NEGR1: variants seen among roughly 807,000 people sequenced by gnomAD.
NEGR1 encodes IgLON family member 4.
A neutral mutation model predicts 40.9 loss-of-function variants in NEGR1; 10 were observed. The observed-to-expected ratio is 0.24, with a 90% confidence interval of 0.15 to 0.42. The LOEUF is 0.42. Among genes scored for constraint, NEGR1 ranks in the 10% least tolerant of loss-of-function variants. The probability of loss-of-function intolerance (pLI) is 1.00; values close to 1 mark genes in which losing one functional copy is unlikely to be tolerated. For missense variants in NEGR1, 352 were observed against 438.9 expected, an observed-to-expected ratio of 0.80 and a Z score of 1.77; for synonymous variants, 185 against 166.8, an observed-to-expected ratio of 1.11 and a Z score of -0.84.
At chr1:71,917,949 G>T (rs1661637260) in intron 2 of NEGR1, among the ~76,000 whole-genome samples, 1 of 151,030 alleles carries the variant, frequency 6.6e-6, no homozygotes, top group South Asian at 2.1e-4. Flanking sequence ...CTGGCGTGGT[G>T]GCTCAGGCCT....
chr1:71,650,637 G>A (rs959542803), intron 4 of NEGR1, among the ~76,000 whole-genome samples: 3 of 151,728 alleles, frequency 2.0e-5, no homozygotes, highest in African/African-American at 7.3e-5. Flanking sequence ...TTCTTTTTTG[G>A]TCTTGACTAT....
intron 2 of NEGR1, among the ~76,000 whole-genome samples, chr1:71,933,583 T>C (rs1043478044): frequency 6.6e-6 from 1 of 151,966 alleles, no homozygotes; most frequent in Non-Finnish European, 1.5e-5. Context: ...TTGAATAACA[T>C]AAGAAATGTG....
At chr1:71,947,637 T>C (rs959494257) in intron 1 of NEGR1, among the ~76,000 whole-genome samples, 2 of 152,214 alleles carry the variant, frequency 1.3e-5, no homozygotes, top group Non-Finnish European at 2.9e-5. Context: ...GTTTACTTTC[T>C]GCAAGTTTTA....
intron 3 of NEGR1, among the ~76,000 whole-genome samples, chr1:71,739,208 A>AC (rs1655133080): frequency 6.6e-6 from 1 of 150,744 alleles, no homozygotes; most frequent in African/African-American, 2.5e-5. Context: ...AGAAAAAAAA[A>AC]AAAAAAAAAC....
At position 72,129,087 on chromosome 1, in the gene NEGR1, T is replaced by TC. The variant is rs1445193848; in HGVS notation, c.176+153231dup. Among the ~76,000 whole-genome samples, 4 of 152,190 alleles carry TC rather than the reference T, an allele frequency of 2.6e-5. No homozygotes were observed. In the East Asian group the frequency reaches 7.7e-4, roughly 29 times the overall value. On this transcript the variant is annotated intron_variant, in intron 1 of 6. Coordinates refer to ENST00000357731, the MANE Select transcript of NEGR1 (RefSeq NM_173808.3). ...ACTACACCACTGGCTTTCCTAGGTT[T>TC]CCGGCTCACAGATGTCAGATTGTGG... is the stretch of plus-strand genomic sequence containing the variant.
intron 1 of NEGR1, among the ~76,000 whole-genome samples, chr1:71,994,110 GATTACTTCCCAAATGTCA>G (rs1159251108): frequency 6.6e-6 from 1 of 152,128 alleles, no homozygotes; most frequent in Non-Finnish European, 1.5e-5. Context: ...CTGCCTTTTA[GATTACTTCCCAAATGTCA>G]ATTACTTCCC....
chr1:72,046,441 A>G (rs1178575061), intron 1 of NEGR1, among the ~76,000 whole-genome samples: 1 of 151,656 alleles, frequency 6.6e-6, no homozygotes, highest in Non-Finnish European at 1.5e-5. Flanking sequence ...TATTCAATTC[A>G]AAGACATTTA....
intron 3 of NEGR1, among the ~76,000 whole-genome samples, chr1:71,701,375 A>C (rs2085728): frequency 0.31 from 47,332 of 151,738 alleles, 9,029 homozygotes; most frequent in East Asian, 0.48. Context: ...TTTAGAGGCT[A>C]CAAGCATTCC....
At chr1:71,753,554 A>T (rs77171435) in intron 3 of NEGR1, among the ~76,000 whole-genome samples, 2,655 of 152,252 alleles carry the variant, frequency 0.017, 64 homozygotes, top group South Asian at 0.057. Context: ...ATACCTAGAT[A>T]CTACTCTTTC....
intron 2 of NEGR1, among the ~76,000 whole-genome samples, chr1:71,910,051 G>A (rs1349735502): frequency 6.6e-6 from 1 of 152,136 alleles, no homozygotes; most frequent in Non-Finnish European, 1.5e-5. Flanking sequence ...ACATCTTTTT[G>A]TGTGTTTTAT....
At chr1:71,701,046 C>G (rs1001327848) in intron 3 of NEGR1, among the ~76,000 whole-genome samples, 2 of 151,928 alleles carry the variant, frequency 1.3e-5, no homozygotes, top group African/African-American at 4.8e-5. Context: ...TCCTTTATAA[C>G]CTCCAAAAAG....
intron 6 of NEGR1, among the ~76,000 whole-genome samples, chr1:71,503,338 AAAG>A (rs888350048): frequency 4.6e-5 from 7 of 151,748 alleles, no homozygotes; most frequent in South Asian, 2.1e-4. Flanking sequence ...GTTACCTATC[AAAG>A]AAGAAGAAGA....
intron 1 of NEGR1, among the ~76,000 whole-genome samples, chr1:71,988,545 CAAAAAAAAAAAAAAAA>C (rs1197884975): frequency 2.5e-5 from 1 of 39,756 alleles, no homozygotes; most frequent in Non-Finnish European, 4.8e-5. Context: ...GACTCCGTCT[CAAAAAAAAAAAAAAAA>C]AAAAAAAAGA....
intron 1 of NEGR1, among the ~76,000 whole-genome samples, chr1:72,188,954 T>A (rs1183086404): frequency 6.6e-6 from 1 of 151,530 alleles, no homozygotes; most frequent in Non-Finnish European, 1.5e-5. Context: ...TATTCTTATA[T>A]CCATAAATAT....
intron 4 of NEGR1, among the ~76,000 whole-genome samples, chr1:71,684,457 T>C (rs1202967570): frequency 6.6e-6 from 1 of 152,168 alleles, no homozygotes; most frequent in African/African-American, 2.4e-5. Flanking sequence ...ATACAACACA[T>C]ACTAACGTAT....
At chr1:71,968,886 T>C (rs908943912) in intron 1 of NEGR1, among the ~76,000 whole-genome samples, 1 of 152,196 alleles carries the variant, frequency 6.6e-6, no homozygotes, top group Non-Finnish European at 1.5e-5. Context: ...GAAGACATGA[T>C]GTTTCAAAAT....
intron 2 of NEGR1, among the ~76,000 whole-genome samples, chr1:71,921,489 A>G (rs1477625158): frequency 1.3e-5 from 2 of 152,036 alleles, no homozygotes; most frequent in Non-Finnish European, 2.9e-5. Flanking sequence ...AGCCTATTCA[A>G]TGTGAAGATG....
At chr1:72,061,567 C>A (rs1480134443) in intron 1 of NEGR1, among the ~76,000 whole-genome samples, 1 of 151,558 alleles carries the variant, frequency 6.6e-6, no homozygotes, top group Non-Finnish European at 1.5e-5. Flanking sequence ...TGCAGATAAT[C>A]CATATAGATT....
intron 2 of NEGR1, among the ~76,000 whole-genome samples, chr1:71,917,876 C>A (rs937152022): frequency 6.6e-6 from 1 of 151,444 alleles, no homozygotes; most frequent in Non-Finnish European, 1.5e-5. Flanking sequence ...AGTTAGGTTG[C>A]CTTTAAGAAC....
Sources: gnomAD v4.1 joint callset for allele counts (sites outside exome capture counted in the v4.1 genomes callset) on GRCh38, gnomAD v4.1.1 for gene constraint, MANE v1.5 for transcripts, NCBI Gene and HGNC (gene_info 2026-07-23, HGNC 2026-07-21) for gene names.